PARD6G: variants seen among roughly 807,000 people sequenced by gnomAD.
PARD6G encodes partitioning defective 6 homolog gamma.
PARD6G carries 7 observed loss-of-function variants against 10.7 expected under a neutral mutation model. The ratio of observed to expected loss-of-function variants is 0.66; its 90% CI spans 0.37 to 1.23. The LOEUF (loss-of-function observed/expected upper bound fraction) is 1.23, where lower values mean the gene tolerates loss of function less well. Among genes scored for constraint, PARD6G ranks in the 50% most tolerant of loss-of-function variants. The pLI is 0.02. For synonymous variants in PARD6G, 287 were observed against 269.4 expected, an observed-to-expected ratio of 1.07 and a Z score of -0.64; for missense variants, 548 against 571.8, an observed-to-expected ratio of 0.96 and a Z score of 0.42.
At position 80,175,625 on chromosome 18, in the gene PARD6G, C is replaced by T. The variant is rs910649791; in HGVS notation, c.296-15019G>A. ...ATTCAGTGCACTACGCACACTGTTC[C>T]GTAATTGTTCTCTTGCTGAGTGTAT... On this transcript the variant is annotated intron_variant, in intron 2 of 2. Coordinates refer to ENST00000353265, the MANE Select transcript of PARD6G (RefSeq NM_032510.4). The surrounding 1 kb of genome is among the most constrained non-coding windows in gnomAD (Gnocchi z 6.7). Among the ~76,000 whole-genome samples the T allele has an allele frequency of 3.9e-5, 6 of 152,216 alleles. No individual in the cohort carries two copies. Among genetic ancestry groups the T allele is most frequent in the Admixed American group, 6.5e-5 (1 of 15,284 alleles).
intron 2 of PARD6G, among the ~76,000 whole-genome samples, chr18:80,178,743 T>G (rs1022469447): frequency 6.6e-6 from 1 of 152,090 alleles, no homozygotes; most frequent in African/African-American, 2.4e-5. Flanking sequence ...ACAGAACACA[T>G]GAGGCAGAAA....
chr18:80,223,551 T>C (rs1274218371), intron 1 of PARD6G, among the ~76,000 whole-genome samples: 1 of 152,208 alleles, frequency 6.6e-6, no homozygotes, highest in Non-Finnish European at 1.5e-5. Context: ...AGGTTGGCTG[T>C]AATAAAAAAG....
rs886775385 is a variant in PARD6G, at chr18:80,161,662, G to A, written c.296-1056C>T. 10 of 152,152 alleles carry A rather than the reference G, an allele frequency of 6.6e-5. No homozygotes were observed. Among genetic ancestry groups the A allele is most frequent in the African/African-American group, 2.4e-4 (10 of 41,418 alleles). 9.4% of individuals were successfully genotyped at this position (152,152 alleles called of 1,614,324 possible). ...AGGCGTCTCGGGGAGCAGAGGGAAG[G>A]GCTTGCTCTGTGAGGCTTGGTCCTG... On this transcript the variant is annotated intron_variant, in intron 2 of 2. Transcript: ENST00000353265. This position sits in a 1 kb window ranked among gnomAD's most constrained non-coding sequence, Gnocchi z 4.6.
intron 2 of PARD6G, among the ~76,000 whole-genome samples, chr18:80,165,725 A>C (rs1200187110): frequency 7.1e-6 from 1 of 141,148 alleles, no homozygotes; most frequent in East Asian, 1.9e-4. Context: ...ATTTTAGTAA[A>C]GGTTTGTTTT....
intron 1 of PARD6G, among the ~76,000 whole-genome samples, chr18:80,208,448 G>C (rs1023242519): frequency 4.6e-5 from 7 of 152,122 alleles, no homozygotes; most frequent in Admixed American, 1.3e-4. Flanking sequence ...TTTCATGTGG[G>C]TGTTTGTTCG....
intron 1 of PARD6G, among the ~76,000 whole-genome samples, chr18:80,205,821 T>C (rs1295568273): frequency 1.3e-5 from 2 of 152,244 alleles, no homozygotes; most frequent in Admixed American, 6.5e-5. Context: ...CTAATACATA[T>C]ACCAACTTCC....
At chr18:80,225,691 T>C (rs1967281883) in intron 1 of PARD6G, among the ~76,000 whole-genome samples, 1 of 152,230 alleles carries the variant, frequency 6.6e-6, no homozygotes, top group Non-Finnish European at 1.5e-5. Context: ...TTTTTCTCTT[T>C]TGCACCCAAA....
chr18:80,175,186 A>G lies in PARD6G; in HGVS notation c.296-14580T>C, dbSNP rs1270515856. Among the ~76,000 whole-genome samples, 1 of 152,234 alleles carries G rather than the reference A, an allele frequency of 6.6e-6. No individual in the cohort carries two copies. The highest frequency in any genetic ancestry group is 1.9e-4 in the East Asian group (1 of 5,204). The stretch of plus-strand genomic sequence containing the variant: ...ATTTAGTGCAACTAACACATGCTAG[A>G]TGGGAAACACATAACACTTTAATAA... On this transcript the variant is annotated intron_variant, in intron 2 of 2. Transcript: ENST00000353265. This position sits in a 1 kb window ranked among gnomAD's most constrained non-coding sequence, Gnocchi z 6.7.
intron 2 of PARD6G, among the ~76,000 whole-genome samples, chr18:80,190,435 G>T (rs905780971): frequency 6.6e-6 from 1 of 152,170 alleles, no homozygotes; most frequent in Non-Finnish European, 1.5e-5. Flanking sequence ...GTCCAAGGAG[G>T]TGTCCCTTTA....
In PARD6G at chr18:80,231,485, A is replaced by G. The variant is rs1967356956; in HGVS notation, c.72+15792T>C. On this transcript the variant is annotated intron_variant, in intron 1 of 2. Coordinates refer to ENST00000353265, the MANE Select transcript of PARD6G (RefSeq NM_032510.4). The surrounding 1 kb of genome is among the most constrained non-coding windows in gnomAD (Gnocchi z 4.2). Reference sequence around the variant, plus strand: ...ATGCAGGCTGGGTCACTGGAGTTGTACAAATACAGACAGACAACATAGCAA... The same window carrying G: ...ATGCAGGCTGGGTCACTGGAGTTGTGCAAATACAGACAGACAACATAGCAA... Among the ~76,000 whole-genome samples, 1 of 152,182 alleles carries G rather than the reference A, an allele frequency of 6.6e-6. No homozygotes were observed.
At chr18:80,187,126 A>T (rs1457745104) in intron 2 of PARD6G, among the ~76,000 whole-genome samples, 11 of 150,556 alleles carry the variant, frequency 7.3e-5, no homozygotes, top group Admixed American at 7.3e-4. Flanking sequence ...GAAATCAAGG[A>T]AGAATCCACT....
chr18:80,232,176 GC>G (rs970227932), intron 1 of PARD6G, among the ~76,000 whole-genome samples: 1 of 143,210 alleles, frequency 7.0e-6, no homozygotes, highest in Non-Finnish European at 1.5e-5. Flanking sequence ...TTCTGCCCCC[GC>G]CCCCCAAGCC....
Position 80,157,650 on chromosome 18 carries a change from A to G in PARD6G, c.*2121T>C, listed in dbSNP as rs2052664617. ...TGGGGCACTGAACGACATGCCCTTC[A>G]TCAGAGAGCAAGTCCGGGGGGTGCG... On this transcript the variant is annotated 3_prime_UTR_variant, in exon 3 of 3. Transcript: ENST00000353265. 6.6e-6 allele frequency: 1 copy of G among 152,216 alleles called. No individual in the cohort carries two copies. Among genetic ancestry groups the G allele is most frequent in the South Asian group, 2.1e-4 (1 of 4,830 alleles). 9.4% of individuals were successfully genotyped at this position (152,216 alleles called of 1,614,324 possible). A position where few individuals can be genotyped will look rare whatever the true frequency, so the allele number is the denominator to read the frequency against.
At chr18:80,230,288 T>G (rs1967343367) in intron 1 of PARD6G, among the ~76,000 whole-genome samples, 1 of 152,240 alleles carries the variant, frequency 6.6e-6, no homozygotes, top group Admixed American at 6.5e-5. Context: ...ATCTGTGCCC[T>G]GTAGGAAACT....
intron 1 of PARD6G, among the ~76,000 whole-genome samples, chr18:80,236,854 A>G (rs1331847379): frequency 1.3e-5 from 2 of 152,232 alleles, no homozygotes; most frequent in Non-Finnish European, 2.9e-5. Context: ...AAAAGAGGAT[A>G]CAAACAAATG....
In PARD6G at chr18:80,183,744, T is replaced by A. The variant is rs545742203; in HGVS notation, c.295+18966A>T. 3 of 152,226 alleles carry A rather than the reference T, an allele frequency of 2.0e-5. No individual in the cohort carries two copies. The highest frequency in any genetic ancestry group is 4.4e-5 in the Non-Finnish European group (3 of 68,064). The allele number at this position is 152,226 out of a possible 1,614,324, so 9.4% of individuals were successfully genotyped here. On this transcript the variant is annotated intron_variant, in intron 2 of 2. Coordinates refer to ENST00000353265, the MANE Select transcript of PARD6G (RefSeq NM_032510.4). This position sits in a 1 kb window ranked among gnomAD's most constrained non-coding sequence, Gnocchi z 4.5. ...CTATATCAAAACCAGCCCTAACAAT[T>A]TTTATACAACTTTTAAATAAAAACA...
intron 1 of PARD6G, among the ~76,000 whole-genome samples, chr18:80,206,655 C>A (rs1435894538): frequency 1.3e-5 from 2 of 152,204 alleles, no homozygotes; most frequent in African/African-American, 2.4e-5. Context: ...TGCTTAGGGG[C>A]CTTCACTCTC....
Position 80,228,838 on chromosome 18 carries a change from T to C in PARD6G, c.72+18439A>G, listed in dbSNP as rs9955923. ...CAGAGACAGATTCCCACAGGAAATG[T>C]TCATCAAAATACTTATAAGGGTGAC... On this transcript the variant is annotated intron_variant, in intron 1 of 2. Transcript: ENST00000353265. This position sits in a 1 kb window ranked among gnomAD's most constrained non-coding sequence, Gnocchi z 4.6. 0.026 allele frequency among the ~76,000 whole-genome samples: 3,911 copies of C among 152,316 alleles called. 158 individuals carry two copies. The highest frequency in any genetic ancestry group is 0.089 in the African/African-American group (3,710 of 41,552).
chr18:80,162,027 C>T (rs1356728951), intron 2 of PARD6G: 1 of 152,264 alleles, frequency 6.6e-6, no homozygotes, highest in Non-Finnish European at 1.5e-5. Flanking sequence ...CAGCAGAGCC[C>T]ATGGCTGCCT....
Sources: allele counts gnomAD v4.1 joint callset (sites outside exome capture counted in the v4.1 genomes callset), GRCh38; gene constraint gnomAD v4.1.1; non-coding constraint Gnocchi (gnomAD v3.1); transcripts MANE v1.5; gene names NCBI Gene and HGNC (gene_info 2026-07-23, HGNC 2026-07-21).